Variants in ZBTB40 observed in about 807,000 individuals in gnomAD.
ZBTB40 encodes the protein zinc finger and BTB domain containing 40.
Under a neutral mutation model 117.5 loss-of-function variants are expected in ZBTB40, and 60 were observed. The observed-to-expected ratio is 0.51, with a 90% CI of 0.41 to 0.63. The LOEUF (loss-of-function observed/expected upper bound fraction) is 0.63. Among genes scored for constraint, ZBTB40 ranks in the 30% least tolerant of loss-of-function variants. The pLI, the probability that ZBTB40 is intolerant of heterozygous loss-of-function variation, is 0.00. For synonymous variants in ZBTB40, 525 were observed against 577.1 expected, an observed-to-expected ratio of 0.91 and a Z score of 1.29; for missense variants, 1,287 against 1,498.5, an observed-to-expected ratio of 0.86 and a Z score of 2.33.
At chr1:22,487,636 T>C (rs1290014778) in intron 1 of ZBTB40, among the ~76,000 whole-genome samples, 1 of 151,984 alleles carries the variant, frequency 6.6e-6, no homozygotes, top group Non-Finnish European at 1.5e-5. Flanking sequence ...CTATTACCAG[T>C]TCTCCTGCTT....
At chr1:22,473,576 T>C (rs972678713) in intron 1 of ZBTB40, among the ~76,000 whole-genome samples, 1 of 152,030 alleles carries the variant, frequency 6.6e-6, no homozygotes, top group African/African-American at 2.4e-5. Flanking sequence ...GAAAAGAGAG[T>C]GCAGGATATC....
At chr1:22,509,591 A>G (rs750333303) in intron 9 of ZBTB40, among the ~76,000 whole-genome samples, 4 of 152,118 alleles carry the variant, frequency 2.6e-5, no homozygotes, top group Admixed American at 6.5e-5. Context: ...CAAGTGATTC[A>G]CCCATCTCAG....
chr1:22,508,725 C>G lies in ZBTB40; in HGVS notation c.1693C>G (p.Arg565Gly). 1 of 1,613,416 alleles carries G rather than the reference C, an allele frequency of 6.2e-7. No individual in the cohort carries two copies. Among genetic ancestry groups the G allele is most frequent in the Non-Finnish European group, 8.5e-7 (1 of 1,179,982 alleles). ...RREPGADAFF[R>G]AVTTPEHATL... ...GGAGCCTGGTGCCGATGCTTTCTTCCGGGCAGGTAAGTTACCTGCCCTCTG... is the reference window on the plus strand; with the variant it reads ...GGAGCCTGGTGCCGATGCTTTCTTCGGGGCAGGTAAGTTACCTGCCCTCTG... Residue 565 changes from arginine to glycine, a missense_variant, in exon 8 of 18, where the codon CGG becomes GGG. By Grantham distance (125) the Arg-to-Gly change is moderately radical. Coordinates refer to ENST00000375647, the MANE Select transcript of ZBTB40 (RefSeq NM_014870.4).
Position 22,489,966 on chromosome 1 carries a change from C to T in ZBTB40, c.18C>T (p.Tyr6=), listed in dbSNP as rs754040462. MELPN[Y]SRQLLQQLYT... ...TTGACGCAATGGAGCTCCCCAACTA[C>T]AGCCGGCAGCTGCTGCAGCAGCTGT... is the stretch of plus-strand genomic sequence containing the variant. Residue 6 remains tyrosine (Y), a synonymous_variant, in exon 2 of 18, where the codon TAC becomes TAT. Transcript: ENST00000375647. The T allele has an allele frequency of 2.4e-5, 39 of 1,612,176 alleles. No homozygotes were observed. The highest frequency in any genetic ancestry group is 1.6e-4 in the South Asian group (15 of 91,020).
chr1:22,478,734 T>C (rs1180597854), intron 1 of ZBTB40, among the ~76,000 whole-genome samples: 4 of 152,216 alleles, frequency 2.6e-5, no homozygotes, highest in Admixed American at 2.6e-4. Flanking sequence ...CCCCTTCCCA[T>C]ACTCATTTTT....
chr1:22,491,494 A>C lies in ZBTB40; in HGVS notation c.792A>C (p.Lys264Asn). 6.2e-7 allele frequency: 1 copy of C among 1,614,088 alleles called. No individual in the cohort carries two copies. ...ALMVTQDVLK[K>N]LEMCSEIKGP... ...TGGTTACCCAGGATGTTTTAAAAAA[A>C]CTAGAAATGTGTTCAGAAATTAAAG... is the stretch of plus-strand genomic sequence containing the variant. The change falls in exon 3 of 18, where the codon AAA becomes AAC. Residue 264 changes from lysine to asparagine, a missense_variant. By Grantham distance (94) the Lys-to-Asn change is moderately conservative. Coordinates refer to ENST00000375647, the MANE Select transcript of ZBTB40 (RefSeq NM_014870.4).
intron 1 of ZBTB40, among the ~76,000 whole-genome samples, chr1:22,467,423 T>C (rs1206348284): frequency 7.9e-5 from 12 of 152,190 alleles, no homozygotes; most frequent in Non-Finnish European, 1.5e-4. Flanking sequence ...TCCATCAGCA[T>C]TGTGTGGGTA....
chr1:22,437,026 G>A (rs192383269), intron 1 of ZBTB40, among the ~76,000 whole-genome samples: 8 of 152,230 alleles, frequency 5.3e-5, no homozygotes, highest in East Asian at 1.9e-4. Context: ...ACTTTTGCAC[G>A]TGATGAAAAT....
intron 10 of ZBTB40, 40 bp downstream of exon 10, chr1:22,511,387 A>C (rs958809417): frequency 1.3e-5 from 21 of 1,610,246 alleles, no homozygotes; most frequent in Middle Eastern, 2.0e-4. Flanking sequence ...TCCTATCAGC[A>C]CACCAGGTTG....
intron 16 of ZBTB40, 146 bp from the exon 17 acceptor site, chr1:22,524,072 A>T: frequency 1.3e-6 from 1 of 774,328 alleles, no homozygotes; most frequent in South Asian, 1.5e-5. Flanking sequence ...CAGATTGAAT[A>T]ACGTTCGTGT....
intron 1 of ZBTB40, among the ~76,000 whole-genome samples, chr1:22,445,743 T>G (rs1168076605): frequency 6.6e-6 from 1 of 151,418 alleles, no homozygotes; most frequent in African/African-American, 2.4e-5. Flanking sequence ...TAGTCTCAGC[T>G]ACTTGGGAGG....
Position 22,513,112 on chromosome 1 carries a change from A to G in ZBTB40, c.2650A>G (p.Lys884Glu). ...TQASALAYHT[K>E]KKHSEGKMYA... ...GGCCTCCGCCCTGGCCTATCACACC[A>G]AGAAGAAGCACTCAGAAGGTAAGGC... Residue 884 changes from lysine to glutamate, a missense_variant, in exon 12 of 18, where the codon AAG (lysine) becomes GAG (glutamate). By Grantham distance (56) the Lys-to-Glu change is moderately conservative. Around this residue, in one of 2 missense-constraint regions of ZBTB40, gnomAD observed 417 missense variants for 564.1 expected, o/e 0.74. Coordinates refer to ENST00000375647, the MANE Select transcript of ZBTB40 (RefSeq NM_014870.4). This position sits in a 1 kb window ranked among gnomAD's most constrained non-coding sequence, Gnocchi z 4.9. 1 of 1,614,046 alleles carries G rather than the reference A, an allele frequency of 6.2e-7. No homozygotes were observed. Among genetic ancestry groups the G allele is most frequent in the Non-Finnish European group, 8.5e-7 (1 of 1,179,984 alleles).
chr1:22,502,204 T>G (rs1463582317), intron 4 of ZBTB40, 95 bp from the exon 5 acceptor site: 1 of 1,441,806 alleles, frequency 6.9e-7, no homozygotes, highest in African/African-American at 1.4e-5. Flanking sequence ...GAAAATCACT[T>G]TACTATTCTG....
intron 8 of ZBTB40, 40 bp from the exon 9 acceptor site, chr1:22,509,060 A>G: frequency 1.2e-6 from 2 of 1,614,060 alleles, no homozygotes; most frequent in Non-Finnish European, 1.7e-6. Flanking sequence ...AATGGTGCTC[A>G]TTGTTTGCCT....
chr1:22,502,590 C>A, intron 5 of ZBTB40, 149 bp downstream of exon 5: 2 of 1,119,248 alleles, frequency 1.8e-6, no homozygotes, highest in Non-Finnish European at 2.6e-6. Context: ...GTTTCATATC[C>A]TGTTGCATTC....
At chr1:22,445,082 G>T (rs898534663) in intron 1 of ZBTB40, among the ~76,000 whole-genome samples, 3 of 152,082 alleles carry the variant, frequency 2.0e-5, no homozygotes, top group African/African-American at 7.2e-5. Context: ...GGTGCTGTGT[G>T]ACTTGAATAC....
At position 22,522,482 on chromosome 1, in the gene ZBTB40, A is replaced by G; in HGVS notation, c.3298+19A>G. 1 of 1,613,482 alleles carries G rather than the reference A, an allele frequency of 6.2e-7. No homozygotes were observed. ...CATTCAGGTCAGTACCCCTGTCAGCATACTTCTAGGCTAGACTCGGGGCCT... is the reference window on the plus strand; with the variant it reads ...CATTCAGGTCAGTACCCCTGTCAGCGTACTTCTAGGCTAGACTCGGGGCCT... On this transcript the variant is annotated intron_variant, in intron 16 of 17. Transcript: ENST00000375647.
chr1:22,430,458 G>T (rs530177191), intron 1 of ZBTB40, among the ~76,000 whole-genome samples: 7 of 152,128 alleles, frequency 4.6e-5, no homozygotes, highest in Non-Finnish European at 8.8e-5. Context: ...GGCTGTGGTG[G>T]CACACACCTG....
At chr1:22,501,459 T>C in intron 3 of ZBTB40, 33 bp from the exon 4 acceptor site, 4 of 1,613,110 alleles carry the variant, frequency 2.5e-6, no homozygotes, top group South Asian at 1.1e-5. Flanking sequence ...TGTGGTTCGC[T>C]AATCTATCTT....
Sources: allele counts gnomAD v4.1 joint callset (sites outside exome capture counted in the v4.1 genomes callset), GRCh38; gene constraint gnomAD v4.1.1; regional missense constraint gnomAD v4.1.1; non-coding constraint Gnocchi (gnomAD v3.1); transcripts MANE v1.5; gene names NCBI Gene and HGNC (gene_info 2026-07-23, HGNC 2026-07-21).